The following GAA variants were observed in gnomAD, a reference collection of about 807,000 sequenced individuals.
GAA encodes the protein lysosomal alpha-glucosidase.
In GAA, 88 loss-of-function variants were observed where a neutral mutation model predicts 103.9. The observed-to-expected ratio is 0.85, with a 90% CI of 0.71 to 1.01. The LOEUF (loss-of-function observed/expected upper bound fraction) is 1.01, where lower values mean the gene tolerates loss of function less well. Ranked by LOEUF, GAA falls within the 50% of genes least tolerant of loss-of-function variation. GAA has a pLI of 0.00. For synonymous variants in GAA, 572 were observed against 563.1 expected, an observed-to-expected ratio of 1.02 and a Z score of -0.22; for missense variants, 1,350 against 1,305.3, an observed-to-expected ratio of 1.03 and a Z score of -0.53.
At chr17:80,102,992 T>A (rs2143815271) in intron 1 of GAA, among the ~76,000 whole-genome samples, 1 of 152,252 alleles carries the variant, frequency 6.6e-6, no homozygotes, top group African/African-American at 2.4e-5. Context: ...CCCTACACAT[T>A]TAATGTCAGA....
chr17:80,104,440 C>G lies in GAA; in HGVS notation c.-32-115C>G. On this transcript the variant is annotated intron_variant, in intron 1 of 19. Coordinates refer to ENST00000302262, the MANE Select transcript of GAA (RefSeq NM_000152.5). This position sits in a 1 kb window ranked among gnomAD's most constrained non-coding sequence, Gnocchi z 4.0. ...CAACACCCACCCTGGCCACCTTACC[C>G]CACCTGCCTGGGTGCTGCAGTGCCA... 1 of 735,028 alleles carries G rather than the reference C, an allele frequency of 1.4e-6. No individual in the cohort carries two copies. Among genetic ancestry groups the G allele is most frequent in the Admixed American group, 2.8e-5 (1 of 36,008 alleles). 45.5% of individuals were successfully genotyped at this position (735,028 alleles called of 1,614,324 possible).
At chr17:80,112,836 C>T in intron 13 of GAA, 40 bp from the exon 14 acceptor site, 2 of 1,594,408 alleles carry the variant, frequency 1.3e-6, no homozygotes, top group Non-Finnish European at 1.7e-6. Flanking sequence ...GCTGGCTCTG[C>T]TGCAGCAGCC....
At chr17:80,111,415 A>ATG (rs2039235354) in intron 11 of GAA, among the ~76,000 whole-genome samples, 2 of 151,740 alleles carry the variant, frequency 1.3e-5, no homozygotes, top group South Asian at 2.1e-4. Flanking sequence ...GCTCAGAGGC[A>ATG]GGAATTACCA....
chr17:80,109,184 C>T (rs973238847), intron 8 of GAA, among the ~76,000 whole-genome samples: 25 of 152,162 alleles, frequency 1.6e-4, no homozygotes, highest in Admixed American at 9.8e-4. Context: ...GTGGAGGCTC[C>T]GTGTGCCTTC....
Position 80,104,760 on chromosome 17 carries a change from G to A in GAA, c.174G>A (p.Gln58=). Residue 58 remains glutamine, a synonymous_variant, in exon 2 of 20, where the codon CAG becomes CAA. Coordinates refer to ENST00000302262, the MANE Select transcript of GAA (RefSeq NM_000152.5). This position sits in a 1 kb window ranked among gnomAD's most constrained non-coding sequence, Gnocchi z 4.0. ...AGGAGACTCACCCAGCTCACCAGCA[G>A]GGAGCCAGCAGACCAGGGCCCCGGG... ...VLEETHPAHQ[Q]GASRPGPRDA... is the part of the protein sequence containing the mutation. 5 of 1,611,520 alleles carry A rather than the reference G, an allele frequency of 3.1e-6. No homozygotes were observed. Among genetic ancestry groups the A allele is most frequent in the Non-Finnish European group, 4.2e-6 (5 of 1,179,414 alleles).
chr17:80,112,420 A>C (rs2039258295), intron 12 of GAA, 158 bp from the exon 13 acceptor site: 1 of 931,964 alleles, frequency 1.1e-6, no homozygotes, highest in Non-Finnish European at 1.6e-6. Context: ...AGACAGAGGC[A>C]ACTGTGCCCG....
intron 3 of GAA, among the ~76,000 whole-genome samples, 163 bp from the exon 4 acceptor site, chr17:80,107,394 G>A (rs899274314): frequency 1.3e-5 from 2 of 152,232 alleles, no homozygotes; most frequent in African/African-American, 4.8e-5. Flanking sequence ...GCCAAGGGCT[G>A]CAGGGCTCGG....
chr17:80,104,860 T>C lies in GAA; in HGVS notation c.274T>C (p.Cys92Arg), dbSNP rs2039036488. 6.2e-7 allele frequency: 1 copy of C among 1,612,866 alleles called. No homozygotes were observed. Among genetic ancestry groups the C allele is most frequent in the Non-Finnish European group, 8.5e-7 (1 of 1,179,946 alleles). The change falls in exon 2 of 20, where the codon TGC becomes CGC. Residue 92 changes from cysteine (C) to arginine (R), a missense_variant. Cys to Arg is a radical substitution (Grantham distance 180). Coordinates refer to ENST00000302262, the MANE Select transcript of GAA (RefSeq NM_000152.5). This position sits in a 1 kb window ranked among gnomAD's most constrained non-coding sequence, Gnocchi z 4.0. ...CDVPPNSRFD[C>R]APDKAITQEQ... ...CGTCCCCCCCAACAGCCGCTTCGAT[T>C]GCGCCCCTGACAAGGCCATCACCCA...
In GAA at chr17:80,112,721, T is replaced by C. The variant is rs979833509; in HGVS notation, c.1888+10T>C. ...GCCTCCTCCGTGCCAGGTGAGCTCC[T>C]ACCAGGAGGGGCTGCTCAGCAGAGT... On this transcript the variant is annotated intron_variant, in intron 13 of 19. Coordinates refer to ENST00000302262, the MANE Select transcript of GAA (RefSeq NM_000152.5). The C allele has an allele frequency of 1.2e-6, 2 of 1,603,424 alleles. No homozygotes were observed. The highest frequency in any genetic ancestry group is 1.3e-5 in the African/African-American group (1 of 74,802).
chr17:80,114,420 CTT>C (rs11358043), intron 15 of GAA, among the ~76,000 whole-genome samples: 9,057 of 136,982 alleles, frequency 0.066, 272 homozygotes, highest in African/African-American at 0.073. Flanking sequence ...TGTCACTACA[CTT>C]TTTTTTTTTT....
chr17:80,111,777 G>T, intron 11 of GAA: 1 of 591,484 alleles, frequency 1.7e-6, no homozygotes. Flanking sequence ...GCCCAGCCCT[G>T]TCTTAGAAGC....
chr17:80,106,887 AC>A (rs2039100081), intron 3 of GAA, among the ~76,000 whole-genome samples: 2 of 152,226 alleles, frequency 1.3e-5, no homozygotes, highest in Non-Finnish European at 2.9e-5. Context: ...TTGCCACTGC[AC>A]TTCAGCCTTG....
chr17:80,110,813 C>T lies in GAA; in HGVS notation c.1524C>T (p.Asp508=). The T allele has an allele frequency of 6.2e-7, 1 of 1,614,136 alleles. No homozygotes were observed. The highest frequency in any genetic ancestry group is 8.5e-7 in the Non-Finnish European group (1 of 1,180,020). The part of the protein sequence containing the change: ...WWEDMVAEFH[D]QVPFDGMWID... ...AGGACATGGTGGCTGAGTTCCATGA[C>T]CAGGTGCCCTTCGACGGCATGTGGA... Residue 508 remains aspartate, a synonymous_variant, in exon 10 of 20, where the codon GAC becomes GAT. Transcript: ENST00000302262.
Position 80,112,075 on chromosome 17 carries a change from C to G in GAA, c.1729C>G (p.Leu577Val), listed in dbSNP as rs1343299078. The G allele has an allele frequency of 1.9e-6, 3 of 1,614,060 alleles. No homozygotes were observed. The South Asian group carries it at 3.3e-5, about 18-fold the overall frequency. The part of the protein sequence containing the change: ...THYNLHNLYG[L>V]TEAIASHRAL... ...CTACAACCTGCACAACCTCTACGGC[C>G]TGACCGAAGCCATCGCCTCCCACAG... Residue 577 changes from leucine (L) to valine (V), a missense_variant, in exon 12 of 20, where the codon CTG becomes GTG. Transcript: ENST00000302262.
chr17:80,119,827 G>A lies in GAA; in HGVS notation c.*496G>A. 1 of 192,200 alleles carries A rather than the reference G, an allele frequency of 5.2e-6. No homozygotes were observed. Among genetic ancestry groups the A allele is most frequent in the Admixed American group, 5.3e-5 (1 of 18,882 alleles). The allele number at this position is 192,200 out of a possible 1,614,324, so 11.9% of individuals were successfully genotyped here. On this transcript the variant is annotated 3_prime_UTR_variant, in exon 20 of 20. Coordinates refer to ENST00000302262, the MANE Select transcript of GAA (RefSeq NM_000152.5). ...ACTCAGGAAAATTCACAGGACTTGGGAGATTCTAAATCTTAAGTGCAATTA... is the reference window on the plus strand; with the variant it reads ...ACTCAGGAAAATTCACAGGACTTGGAAGATTCTAAATCTTAAGTGCAATTA...
chr17:80,111,104 T>C, intron 11 of GAA, 79 bp downstream of exon 11: 1 of 1,209,500 alleles, frequency 8.3e-7, no homozygotes, highest in Non-Finnish European at 1.2e-6. Flanking sequence ...CTTAGCACCC[T>C]CATCTCTGAG....
intron 1 of GAA, among the ~76,000 whole-genome samples, chr17:80,103,811 G>A (rs912118267): frequency 2.6e-5 from 4 of 152,208 alleles, no homozygotes; most frequent in Admixed American, 1.3e-4. Context: ...CCCCTGGAGT[G>A]TCACCCTCAG....
chr17:80,111,744 G>C, intron 11 of GAA: 1 of 558,682 alleles, frequency 1.8e-6, no homozygotes, highest in Non-Finnish European at 3.2e-6. Context: ...CTGGGGGTCT[G>C]CAGAGCCCAG....
At chr17:80,113,081 TC>T in intron 14 of GAA, 54 bp downstream of exon 14, 1 of 1,502,922 alleles carries the variant, frequency 6.7e-7, no homozygotes. Flanking sequence ...CCCAAGACTC[TC>T]CCCTGGGAAT....
Sources: gnomAD v4.1 joint callset for allele counts (sites outside exome capture counted in the v4.1 genomes callset) on GRCh38, gnomAD v4.1.1 for gene constraint, Gnocchi (gnomAD v3.1) non-coding constraint, MANE v1.5 for transcripts, NCBI Gene and HGNC (gene_info 2026-07-23, HGNC 2026-07-21) for gene names.